The following IL1RAPL1 variants were observed in gnomAD, a reference collection of about 807,000 sequenced individuals.
IL1RAPL1 encodes the protein interleukin-1 receptor accessory protein-like 1.
A neutral mutation model predicts 48.4 loss-of-function variants in IL1RAPL1; 3 were observed. That is an observed-to-expected ratio of 0.06 (90% CI 0.03 to 0.16). IL1RAPL1 has a LOEUF of 0.16. IL1RAPL1 is among the 10% of genes least tolerant of loss of function. The pLI, the probability that IL1RAPL1 is intolerant of heterozygous loss-of-function variation, is 1.00. For synonymous variants in IL1RAPL1, 185 were observed against 187.7 expected, an observed-to-expected ratio of 0.99 and a Z score of 0.12; for missense variants, 349 against 530.6, an observed-to-expected ratio of 0.66 and a Z score of 3.36.
intron 2 of IL1RAPL1, among the ~76,000 whole-genome samples, chrX:29,188,068 C>T (rs1343799752): frequency 9.0e-6 from 1 of 111,697 alleles, no homozygotes; most frequent in Non-Finnish European, 1.9e-5. Flanking sequence ...AGTGGGTCAC[C>T]CAGCTTCTGG....
At chrX:29,237,581 G>A (rs971840880) in intron 2 of IL1RAPL1, among the ~76,000 whole-genome samples, 2 of 112,570 alleles carry the variant, frequency 1.8e-5, no homozygotes, top group Non-Finnish European at 3.8e-5. Context: ...CTTAAGGTAG[G>A]TTCTTATTTG....
chrX:29,423,751 A>G (rs765352813), intron 5 of IL1RAPL1, among the ~76,000 whole-genome samples: 3 of 111,671 alleles, frequency 2.7e-5, no homozygotes, highest in African/African-American at 9.7e-5. Flanking sequence ...TTGAATGTCT[A>G]CTATATGCAC....
intron 2 of IL1RAPL1, among the ~76,000 whole-genome samples, chrX:29,123,352 A>G (rs1294080884): frequency 1.8e-5 from 2 of 112,110 alleles, no homozygotes; most frequent in Admixed American, 9.6e-5. Context: ...TTCAGGTAAC[A>G]TGAATAGAAA....
At chrX:28,684,027 C>T (rs1935087899) in intron 1 of IL1RAPL1, among the ~76,000 whole-genome samples, 3 of 112,358 alleles carry the variant, frequency 2.7e-5, no homozygotes, top group African/African-American at 9.7e-5. Context: ...GGGATTTGGA[C>T]ATGGACATCT....
chrX:29,878,553 G>T (rs751615401), intron 6 of IL1RAPL1, among the ~76,000 whole-genome samples: 1 of 112,140 alleles, frequency 8.9e-6, no homozygotes, highest in South Asian at 3.6e-4. Context: ...CTGATTCTTA[G>T]TGAGGACTTA....
chrX:28,764,323 A>G (rs920263000), intron 1 of IL1RAPL1, among the ~76,000 whole-genome samples: 17 of 111,882 alleles, frequency 1.5e-4, no homozygotes, highest in African/African-American at 5.5e-4. Flanking sequence ...CCTCAAACCT[A>G]AGATAACAAC....
intron 2 of IL1RAPL1, among the ~76,000 whole-genome samples, chrX:29,102,564 G>T (rs2147464706): frequency 9.1e-6 from 1 of 109,825 alleles, no homozygotes; most frequent in African/African-American, 3.3e-5. Flanking sequence ...TACTCAGGAG[G>T]CGGAGGCAGG....
chrX:29,319,567 T>TATCTATCC (rs2147624483), intron 3 of IL1RAPL1, among the ~76,000 whole-genome samples: 1 of 106,713 alleles, frequency 9.4e-6, no homozygotes, highest in South Asian at 4.0e-4. Flanking sequence ...TGTATCTATC[T>TATCTATCC]ATCTATCTAT....
At chrX:28,913,941 T>A (rs1276845190) in intron 2 of IL1RAPL1, among the ~76,000 whole-genome samples, 1 of 111,483 alleles carries the variant, frequency 9.0e-6, no homozygotes, top group Admixed American at 9.6e-5. Context: ...GCATTTGGAA[T>A]CTTGTTAATG....
At chrX:29,923,390 A>T (rs1932861449) in intron 8 of IL1RAPL1, among the ~76,000 whole-genome samples, 1 of 111,936 alleles carries the variant, frequency 8.9e-6, no homozygotes, top group Non-Finnish European at 1.9e-5. Flanking sequence ...TTCACTTACT[A>T]TACAGAGCAC....
At chrX:28,897,296 C>A (rs1239478074) in intron 2 of IL1RAPL1, among the ~76,000 whole-genome samples, 1 of 111,120 alleles carries the variant, frequency 9.0e-6, no homozygotes, top group Admixed American at 9.5e-5. Context: ...CCTGCGTGGC[C>A]AGAGACCTCT....
chrX:29,137,906 A>G (rs2147489350), intron 2 of IL1RAPL1, among the ~76,000 whole-genome samples: 1 of 112,696 alleles, frequency 8.9e-6, no homozygotes, highest in Non-Finnish European at 1.9e-5. Flanking sequence ...GCCAGATTTG[A>G]CAAACTTAAT....
chrX:29,238,496 G>A (rs1433352636), intron 2 of IL1RAPL1, among the ~76,000 whole-genome samples: 2 of 111,389 alleles, frequency 1.8e-5, no homozygotes, highest in Non-Finnish European at 3.8e-5. Context: ...TTGTCATCAT[G>A]TGACATTGCT....
intron 6 of IL1RAPL1, among the ~76,000 whole-genome samples, chrX:29,708,099 G>A (rs1927249082): frequency 9.1e-6 from 1 of 110,308 alleles, no homozygotes; most frequent in African/African-American, 3.3e-5. Context: ...GTCTAGTGTA[G>A]AAATATACTT....
At chrX:28,687,776 C>T (rs1191392392) in intron 1 of IL1RAPL1, among the ~76,000 whole-genome samples, 6 of 96,611 alleles carry the variant, frequency 6.2e-5, no homozygotes, top group South Asian at 5.1e-4. Context: ...AGCGAGACTC[C>T]GTCTCAGAAA....
chrX:28,651,282 A>G (rs1302032789), intron 1 of IL1RAPL1, among the ~76,000 whole-genome samples: 2 of 112,311 alleles, frequency 1.8e-5, no homozygotes, highest in Admixed American at 1.9e-4. Context: ...TATGCACATA[A>G]ATTATATGAG....
intron 2 of IL1RAPL1, among the ~76,000 whole-genome samples, chrX:29,080,176 C>T (rs772173230): frequency 2.7e-5 from 3 of 109,946 alleles, no homozygotes; most frequent in Non-Finnish European, 3.8e-5. Context: ...TACTTGAGCC[C>T]GGGAGTTCAA....
chrX:29,303,332 G>A (rs1932567021), intron 3 of IL1RAPL1, among the ~76,000 whole-genome samples: 1 of 111,993 alleles, frequency 8.9e-6, no homozygotes, highest in Non-Finnish European at 1.9e-5. Flanking sequence ...TGCATTAAAT[G>A]TTAGGGGTAA....
intron 2 of IL1RAPL1, among the ~76,000 whole-genome samples, chrX:28,810,744 A>C (rs1454002565): frequency 9.0e-6 from 1 of 110,575 alleles, no homozygotes; most frequent in African/African-American, 3.3e-5. Context: ...TTTAGGGAAC[A>C]AAAACTAGTT....
Sources: allele counts gnomAD v4.1 joint callset (sites outside exome capture counted in the v4.1 genomes callset), GRCh38; gene constraint gnomAD v4.1.1; transcripts MANE v1.5; gene names NCBI Gene and HGNC (gene_info 2026-07-23, HGNC 2026-07-21).